The following TACC2 variants were observed in gnomAD, a reference collection of about 807,000 sequenced individuals.
TACC2 encodes transforming acidic coiled-coil containing protein 2, also known as transforming acidic coiled-coil-containing protein 2.
Under a neutral mutation model 227.3 loss-of-function variants are expected in TACC2, and 137 were observed. The observed-to-expected ratio is 0.60, with a 90% CI of 0.52 to 0.69. The LOEUF (loss-of-function observed/expected upper bound fraction) is 0.69. Among genes scored for constraint, TACC2 ranks in the 30% least tolerant of loss-of-function variants. TACC2 has a pLI of 0.00. For synonymous variants in TACC2, 1,523 were observed against 1,487.5 expected (o/e 1.02, Z -0.55); for missense variants, 3,470 against 3,694.4 (o/e 0.94, Z 1.57).
chr10:122,001,571 C>T (rs930469946), intron 1 of TACC2, among the ~76,000 whole-genome samples: 3 of 152,176 alleles, frequency 2.0e-5, no homozygotes, highest in African/African-American at 7.2e-5. Context: ...AATTAGGACT[C>T]TTTTTGTAAG....
intron 19 of TACC2, among the ~76,000 whole-genome samples, chr10:122,243,244 C>T (rs1249629727): frequency 5.3e-5 from 8 of 152,108 alleles, no homozygotes; most frequent in East Asian, 1.9e-4. Flanking sequence ...GCACCTGGCC[C>T]GATAACCAGT....
chr10:122,226,615 T>G (rs1483876392), intron 13 of TACC2, 134 bp downstream of exon 13: 1 of 654,180 alleles, frequency 1.5e-6, no homozygotes, highest in Non-Finnish European at 2.6e-6. Flanking sequence ...TTTTTTTTTT[T>G]TTTAATAGAG....
intron 9 of TACC2, 152 bp downstream of exon 9, chr10:122,211,860 C>G: frequency 1.6e-6 from 1 of 618,164 alleles, no homozygotes; most frequent in Non-Finnish European, 2.7e-6. Flanking sequence ...ACCAAGCAGA[C>G]AATGTACGTG....
chr10:122,149,172 G>C (rs2091760522), intron 7 of TACC2, among the ~76,000 whole-genome samples: 1 of 152,258 alleles, frequency 6.6e-6, no homozygotes, highest in African/African-American at 2.4e-5. Context: ...AAAGAGCCTG[G>C]TGTGTTGGAC....
At chr10:122,233,545 T>A (rs2095799139) in intron 16 of TACC2, among the ~76,000 whole-genome samples, 1 of 151,794 alleles carries the variant, frequency 6.6e-6, no homozygotes, top group African/African-American at 2.4e-5. Context: ...AGAGAAGGAG[T>A]TGGGGCCACC....
chr10:122,066,276 T>G lies in TACC2; in HGVS notation c.146+15726T>G, dbSNP rs11200375. Among the ~76,000 whole-genome samples the G allele has an allele frequency of 3.4e-3, 405 of 118,914 alleles. 1 individual carries two copies. The highest frequency in any genetic ancestry group is 8.2e-3 in the African/African-American group (299 of 36,578). The allele number at this position is 118,914 out of a possible 152,430, so 78.0% of individuals were successfully genotyped here. ...GGGCCTGCCACCATGCCCAGCTATT[T>G]TTTTTTTTTTTTTTGAGACAGAGTC... is the stretch of plus-strand genomic sequence containing the variant. On this transcript the variant is annotated intron_variant, in intron 3 of 22. Coordinates refer to ENST00000369005, the MANE Select transcript of TACC2 (RefSeq NM_206862.4).
rs527587471 is a variant in TACC2 at position 122,248,758 on chromosome 10, C to T, written c.8508C>T (p.Phe2836=). 2 of 1,614,192 alleles carry T rather than the reference C, an allele frequency of 1.2e-6. No homozygotes were observed. Among genetic ancestry groups the T allele is most frequent in the Non-Finnish European group, 1.7e-6 (2 of 1,180,048 alleles). ...NSVEKSLADL[F]RRYEKMKEVL... is the part of the protein sequence containing the mutation. ...TGGAGAAGTCTCTGGCCGACCTCTTCAGAAGATATGAGAAGATGAAGGAGG... is the reference window on the plus strand; with the variant it reads ...TGGAGAAGTCTCTGGCCGACCTCTTTAGAAGATATGAGAAGATGAAGGAGG... Residue 2836 remains phenylalanine (F), a synonymous_variant, in exon 20 of 23, where the codon TTC becomes TTT. Coordinates refer to ENST00000369005, the MANE Select transcript of TACC2 (RefSeq NM_206862.4).
At position 122,209,038 on chromosome 10, in the gene TACC2, C is replaced by T. The variant is rs1356682071; in HGVS notation, c.5972-1359C>T. Among the ~76,000 whole-genome samples the T allele has an allele frequency of 2.6e-5, 4 of 152,208 alleles. No homozygotes were observed. The highest frequency in any genetic ancestry group is 5.9e-5 in the Non-Finnish European group (4 of 68,036). On this transcript the variant is annotated intron_variant, in intron 8 of 22. Transcript: ENST00000369005. The surrounding 1 kb of genome is among the most constrained non-coding windows in gnomAD (Gnocchi z 4.5). ...CCCATGGGCAGTAGGGTGGTGGCAC[C>T]TTTGAGCATCATTTGGCCAACATTT...
intron 3 of TACC2, among the ~76,000 whole-genome samples, chr10:122,061,046 A>T (rs2136414421): frequency 6.7e-6 from 1 of 150,254 alleles, no homozygotes; most frequent in Admixed American, 6.6e-5. Context: ...ACGGTGGCTC[A>T]CACCTGTAAT....
Position 122,050,643 on chromosome 10 carries a change from A to G in TACC2, c.146+93A>G. 1 of 990,660 alleles carries G rather than the reference A, an allele frequency of 1.0e-6. No homozygotes were observed. The highest frequency in any genetic ancestry group is 1.6e-6 in the Non-Finnish European group (1 of 644,844). The allele number at this position is 990,660 out of a possible 1,614,324, so 61.4% of individuals were successfully genotyped here. A position where few individuals can be genotyped will look rare whatever the true frequency, so the allele number is the denominator to read the frequency against. On this transcript the variant is annotated intron_variant, in intron 3 of 22. Transcript: ENST00000369005. This position sits in a 1 kb window ranked among gnomAD's most constrained non-coding sequence, Gnocchi z 4.6. The stretch of plus-strand genomic sequence containing the variant: ...TAGCTTTGCCCCATTTGCTTTGGAA[A>G]CTGGACCCTTAGACACATGGTATCG...
chr10:122,233,492 G>A (rs920851340), intron 16 of TACC2, among the ~76,000 whole-genome samples: 1 of 152,224 alleles, frequency 6.6e-6, no homozygotes, highest in Non-Finnish European at 1.5e-5. Flanking sequence ...TGGCCCCTCA[G>A]TCCTGGCTTA....
intron 2 of TACC2, among the ~76,000 whole-genome samples, chr10:122,032,080 T>C (rs776723324): frequency 1.3e-5 from 2 of 152,146 alleles, no homozygotes; most frequent in Non-Finnish European, 2.9e-5. Context: ...CTGAAGTCAA[T>C]TGCTGTGCCC....
chr10:122,131,797 AGACCAC>A (rs1217359689), intron 5 of TACC2, among the ~76,000 whole-genome samples: 2 of 151,798 alleles, frequency 1.3e-5, no homozygotes, highest in African/African-American at 4.8e-5. Context: ...CAAGGCGGGC[AGACCAC>A]TTGAACCTAG....
At chr10:122,163,746 C>G (rs1489106131) in intron 7 of TACC2, 18 of 1,190,610 alleles carry the variant, frequency 1.5e-5, no homozygotes, top group Non-Finnish European at 1.7e-5. Context: ...GCCCCCGGCT[C>G]GGGCCGCGAG....
intron 7 of TACC2, among the ~76,000 whole-genome samples, chr10:122,181,481 A>G (rs1348876951): frequency 6.6e-6 from 1 of 152,218 alleles, no homozygotes; most frequent in Non-Finnish European, 1.5e-5. Flanking sequence ...AAGGTGCTTT[A>G]CAAATATAAA....
intron 7 of TACC2, among the ~76,000 whole-genome samples, chr10:122,172,374 G>T (rs1330717654): frequency 6.6e-6 from 1 of 152,160 alleles, no homozygotes; most frequent in Non-Finnish European, 1.5e-5. Context: ...CAGCAGTCCT[G>T]TGCCAGCACC....
chr10:122,136,545 G>GTATATATATA (rs34534253), intron 6 of TACC2, among the ~76,000 whole-genome samples: 35 of 54,990 alleles, frequency 6.4e-4, no homozygotes, highest in South Asian at 4.8e-3. Flanking sequence ...GTGTGTGTGT[G>GTATATATATA]TATATATATA....
At chr10:122,047,402 G>A (rs970192766) in intron 2 of TACC2, among the ~76,000 whole-genome samples, 1 of 151,342 alleles carries the variant, frequency 6.6e-6, no homozygotes, top group Non-Finnish European at 1.5e-5. Context: ...CTATGGGGAT[G>A]ATTGTCTTCT....
intron 5 of TACC2, among the ~76,000 whole-genome samples, chr10:122,131,456 C>T (rs1349822464): frequency 6.6e-6 from 1 of 152,166 alleles, no homozygotes; most frequent in East Asian, 1.9e-4. Flanking sequence ...CTGAGCCACC[C>T]TGTGCTTGGA....
Sources: allele counts gnomAD v4.1 joint callset (sites outside exome capture counted in the v4.1 genomes callset), GRCh38; gene constraint gnomAD v4.1.1; non-coding constraint Gnocchi (gnomAD v3.1); transcripts MANE v1.5; gene names NCBI Gene and HGNC (gene_info 2026-07-23, HGNC 2026-07-21).